Variants in PNKP observed in about 807,000 individuals in gnomAD.
PNKP encodes the protein polynucleotide kinase 3'-phosphatase, also known as bifunctional polynucleotide phosphatase/kinase.
A neutral mutation model predicts 66.2 loss-of-function variants in PNKP; 82 were observed. That is an observed-to-expected ratio of 1.24 (90% CI 1.04 to 1.49). PNKP has a LOEUF of 1.49. Among genes scored for constraint, PNKP ranks in the 40% most tolerant of loss-of-function variants. PNKP has a pLI of 0.00. For missense variants in PNKP, 907 were observed against 706.8 expected (o/e 1.28, Z -3.21); for synonymous variants, 412 against 298.9 (o/e 1.38, Z -3.90).
Position 49,861,499 on chromosome 19 carries a change from C to T in PNKP, c.1398G>A (p.Met466Ile), listed in dbSNP as rs960491729. The change falls in exon 16 of 17, where the codon ATG (methionine) becomes ATA (isoleucine). Residue 466 changes from methionine to isoleucine, a missense_variant. By Grantham distance (10) the Met-to-Ile change is conservative. Transcript: ENST00000322344. ...QARHNNRFREMTDSSHIPVSD... is the reference protein window; with the variant it reads ...QARHNNRFREITDSSHIPVSD... ...ACACGGGGATATGAGAGGAGTCCGTCATCTCTCGAAACTGTGGGGAACATC... is the reference window on the plus strand; with the variant it reads ...ACACGGGGATATGAGAGGAGTCCGTTATCTCTCGAAACTGTGGGGAACATC... 6.2e-7 allele frequency: 1 copy of T among 1,603,166 alleles called. No individual in the cohort carries two copies. The highest frequency in any genetic ancestry group is 8.5e-7 in the Non-Finnish European group (1 of 1,173,462).
rs1419679532 is a variant in PNKP, at chr19:49,861,234, G to A, written c.*14C>T. The A allele has an allele frequency of 2.0e-6, 3 of 1,517,682 alleles. No individual in the cohort carries two copies. Among genetic ancestry groups the A allele is most frequent in the Non-Finnish European group, 9.2e-7 (1 of 1,092,640 alleles). The allele number at this position is 1,517,682 out of a possible 1,614,324, so 94.0% of individuals were successfully genotyped here. A position where few individuals can be genotyped will look rare whatever the true frequency, so the allele number is the denominator to read the frequency against. On this transcript the variant is annotated 3_prime_UTR_variant, in exon 17 of 17. Transcript: ENST00000322344. Reference sequence around the variant, plus strand: ...GAGAAACAGCGTTTATTGTGGAGGGGAGCTGGGCGGGGCTCAGCCCTCGGA... The same window carrying A: ...GAGAAACAGCGTTTATTGTGGAGGGAAGCTGGGCGGGGCTCAGCCCTCGGA...
At chr19:49,861,976 C>A in intron 13 of PNKP, 68 bp downstream of exon 13, 3 of 1,600,662 alleles carry the variant, frequency 1.9e-6, no homozygotes, top group Non-Finnish European at 2.6e-6. Flanking sequence ...GAAAGCCGCC[C>A]CAAACCAGTT....
At chr19:49,863,324 C>T (rs2074793728) in intron 8 of PNKP, among the ~76,000 whole-genome samples, 1 of 152,250 alleles carries the variant, frequency 6.6e-6, no homozygotes, top group Non-Finnish European at 1.5e-5. Flanking sequence ...CAGCTCCCTC[C>T]CTCCTGCTGT....
In PNKP at chr19:49,861,759, GCGGTCA is replaced by G; in HGVS notation, c.1298+7_1298+12del. On this transcript the variant is annotated splice_region_variant and intron_variant, in intron 14 of 16. Transcript: ENST00000322344. ...CCCGCCGCAGGCCACCTACGGCCCC[GCGGTCA>G]CGCTACCTGGCGCGGCTCGCGGCGT... 1 of 1,561,728 alleles carries G rather than the reference GCGGTCA, an allele frequency of 6.4e-7. No individual in the cohort carries two copies. Among genetic ancestry groups the G allele is most frequent in the Non-Finnish European group, 8.7e-7 (1 of 1,154,176 alleles).
Position 49,861,255 on chromosome 19 carries a change from TC to T in PNKP, c.1558del (p.Glu520ArgfsTer?). The T allele has an allele frequency of 6.3e-7, 1 of 1,598,952 alleles. No individual in the cohort carries two copies. The highest frequency in any genetic ancestry group is 8.6e-7 in the Non-Finnish European group (1 of 1,166,572). On this transcript the variant is annotated frameshift_variant, in exon 17 of 17. Transcript: ENST00000322344. LOFTEE classifies it high-confidence loss of function. ...RLGRLYCQFS[E>X]G ...AGGGGAGCTGGGCGGGGCTCAGCCC[TC>T]GGAGAACTGGCAGTACAGCCGCCCC...
intron 8 of PNKP, 22 bp from the exon 9 acceptor site, chr19:49,862,760 AG>A: frequency 6.2e-7 from 1 of 1,613,800 alleles, no homozygotes; most frequent in Non-Finnish European, 8.5e-7. Flanking sequence ...GGTAGTGAGG[AG>A]GCCCTTCCCA....
chr19:49,865,078 T>G, intron 4 of PNKP, 49 bp downstream of exon 4: 2 of 1,535,668 alleles, frequency 1.3e-6, no homozygotes, highest in Non-Finnish European at 1.8e-6. Flanking sequence ...AAACGTGGGA[T>G]TGGGTCCCAG....
Position 49,865,217 on chromosome 19 carries a change from C to A in PNKP, c.408G>T (p.Pro136=), listed in dbSNP as rs770822417. Residue 136 remains proline (P), a synonymous_variant, in exon 4 of 17, where the codon CCG becomes CCT. Coordinates refer to ENST00000322344, the MANE Select transcript of PNKP (RefSeq NM_007254.4). ...SQDEKRDAEL[P]KKRMRKSNPG... ...GGTTTGACTTCCGCATACGCTTCTT[C>A]GGCAGCTCAGCATCTCTCTTCTCAT... 6.2e-7 allele frequency: 1 copy of A among 1,614,118 alleles called. No individual in the cohort carries two copies. Among genetic ancestry groups the A allele is most frequent in the Non-Finnish European group, 8.5e-7 (1 of 1,180,052 alleles).
chr19:49,861,557 A>AGGGGGGTCAGGGGGTGCAGCCCGG, intron 15 of PNKP, 47 bp from the exon 16 acceptor site: 1 of 93,034 alleles, frequency 1.1e-5, no homozygotes, highest in Non-Finnish European at 1.4e-5. Context: ...TCAGGGGAGG[A>AGGGGGGTCAGGGGGTGCAGCCCGG]GGGGGGTCAG....
intron 2 of PNKP, chr19:49,866,709 G>C (rs1274627251): frequency 1.8e-5 from 11 of 607,406 alleles, no homozygotes; most frequent in Non-Finnish European, 3.0e-5. Context: ...TATAGGTCCG[G>C]GGCTTGGCCT....
chr19:49,863,017 C>CCA (rs1568660896), intron 8 of PNKP, among the ~76,000 whole-genome samples: 1 of 152,132 alleles, frequency 6.6e-6, no homozygotes, highest in African/African-American at 2.4e-5. Flanking sequence ...CTCCAGCCTC[C>CCA]GGCGTGCCGG....
chr19:49,861,656 G>GCGGCAGGGGACGCCCGCGGCT lies in PNKP; in HGVS notation c.1317_1337dup (p.Ala440_Arg446dup). Reference sequence around the variant, plus strand: ...CCAGAGTGGCGGTGAAGAGGAAGCAGCGGCAGGGGACGCCCGCGGCTCGGG... The same window carrying GCGGCAGGGGACGCCCGCGGCT: ...CCAGAGTGGCGGTGAAGAGGAAGCAGCGGCAGGGGACGCCCGCGGCTCGGCAGGGGACGCCCGCGGCTCGGG... On this transcript the variant is annotated inframe_insertion, in exon 15 of 17. Transcript: ENST00000322344. 6.4e-7 allele frequency: 1 copy of GCGGCAGGGGACGCCCGCGGCT among 1,550,568 alleles called. No individual in the cohort carries two copies. Among genetic ancestry groups the GCGGCAGGGGACGCCCGCGGCT allele is most frequent in the Non-Finnish European group, 8.7e-7 (1 of 1,147,214 alleles).
rs2074826079 is a variant in PNKP at position 49,867,084 on chromosome 19, C to G, written c.121G>C (p.Val41Leu). 1.2e-6 allele frequency: 2 copies of G among 1,613,904 alleles called. No individual in the cohort carries two copies. The highest frequency in any genetic ancestry group is 1.6e-4 in the Middle Eastern group (1 of 6,062). Reference sequence around the variant, plus strand: ...GTTCTGGAGCACTTCCGGTCCGTAACCTGGGTCAGGGGTCCCCTGCCCAGG... The same window carrying G: ...GTTCTGGAGCACTTCCGGTCCGTAAGCTGGGTCAGGGGTCCCCTGCCCAGG... Reference protein sequence around the residue: ...LVLGRGPLTQVTDRKCSRTQV... With the variant: ...LVLGRGPLTQLTDRKCSRTQV... Residue 41 changes from valine (V) to leucine (L), a missense_variant, in exon 2 of 17, where the codon GTT becomes CTT. Transcript: ENST00000322344.
At chr19:49,863,516 G>T (rs1324484140) in intron 8 of PNKP, among the ~76,000 whole-genome samples, 173 bp downstream of exon 8, 1 of 152,250 alleles carries the variant, frequency 6.6e-6, no homozygotes, top group South Asian at 2.1e-4. Flanking sequence ...GATGTAGAAA[G>T]TCTGAAAGCA....
chr19:49,867,546 G>A lies in PNKP; in HGVS notation c.-91C>T. 3.8e-6 allele frequency: 1 copy of A among 261,204 alleles called. No homozygotes were observed. The highest frequency in any genetic ancestry group is 4.3e-5 in the South Asian group (1 of 23,188). 16.2% of individuals were successfully genotyped at this position (261,204 alleles called of 1,614,324 possible). On this transcript the variant is annotated 5_prime_UTR_variant, in exon 1 of 17. Transcript: ENST00000322344. ...GAGGTGCCCCGCCTGCAACCCGGCC[G>A]GCGGCGGTCGGTTCCTCGGCGGACG...
chr19:49,865,498 C>T, intron 3 of PNKP, 72 bp from the exon 4 acceptor site: 1 of 1,149,488 alleles, frequency 8.7e-7, no homozygotes, highest in South Asian at 1.3e-5. Context: ...AAATACCCAG[C>T]GGAAAAATCA....
In PNKP at chr19:49,867,223, G is replaced by A. The variant is rs1385778515; in HGVS notation, c.-13-6C>T. 1.2e-6 allele frequency: 2 copies of A among 1,605,480 alleles called. No homozygotes were observed. Among genetic ancestry groups the A allele is most frequent in the Admixed American group, 1.7e-5 (1 of 59,204 alleles). The stretch of plus-strand genomic sequence containing the variant: ...CGCCCATCCTGGGTGCCGGCCTGGG[G>A]AGCAGGTAAACGGGCTTGAGCGGCG... On this transcript the variant is annotated splice_polypyrimidine_tract_variant and splice_region_variant and intron_variant, in intron 1 of 16. Transcript: ENST00000322344.
chr19:49,862,859 T>A (rs1363743551), intron 8 of PNKP, 121 bp from the exon 9 acceptor site: 2 of 1,052,222 alleles, frequency 1.9e-6, no homozygotes, highest in Non-Finnish European at 2.9e-6. Context: ...CGACCTTTCA[T>A]GTCCTCACTC....
chr19:49,866,153 G>T, intron 3 of PNKP: 1 of 535,574 alleles, frequency 1.9e-6, no homozygotes, highest in Non-Finnish European at 3.4e-6. Flanking sequence ...GGAACTACAA[G>T]GACGCGCCAC....
Sources: allele counts gnomAD v4.1 joint callset (sites outside exome capture counted in the v4.1 genomes callset), GRCh38; gene constraint gnomAD v4.1.1; transcripts MANE v1.5; gene names NCBI Gene and HGNC (gene_info 2026-07-23, HGNC 2026-07-21).